Variants in PDE1C observed in about 807,000 individuals in gnomAD.
The protein encoded by PDE1C is dual specificity calcium/calmodulin-dependent 3',5'-cyclic nucleotide phosphodiesterase 1C.
Under a neutral mutation model 93.1 loss-of-function variants are expected in PDE1C, and 62 were observed. The observed-to-expected ratio is 0.67, with a 90% confidence interval of 0.54 to 0.82. PDE1C has a LOEUF of 0.82. Among genes scored for constraint, PDE1C ranks in the 40% least tolerant of loss-of-function variants. The pLI, the probability that PDE1C is intolerant of heterozygous loss-of-function variation, is 0.00. For synonymous variants in PDE1C, 325 were observed against 310.1 expected (o/e 1.05, Z -0.50); for missense variants, 742 against 884.6 (o/e 0.84, Z 2.04).
chr7:31,780,952 G>A (rs572224917), intron 16 of PDE1C, among the ~76,000 whole-genome samples: 4 of 152,292 alleles, frequency 2.6e-5, no homozygotes, highest in East Asian at 3.9e-4. Flanking sequence ...AACCCAATCC[G>A]TCAGCTAGGG....
At chr7:31,783,056 C>G (rs1174391570) in intron 16 of PDE1C, among the ~76,000 whole-genome samples, 1 of 152,198 alleles carries the variant, frequency 6.6e-6, no homozygotes, top group African/African-American at 2.4e-5. Flanking sequence ...GGAACATCTG[C>G]ATTCCCTAGT....
chr7:32,365,014 G>A (rs920543899), intron 1 of PDE1C, among the ~76,000 whole-genome samples: 1 of 152,348 alleles, frequency 6.6e-6, no homozygotes, highest in South Asian at 2.1e-4. Context: ...TCAAGCCTCT[G>A]AGCAGCTGAC....
intron 1 of PDE1C, among the ~76,000 whole-genome samples, chr7:32,244,917 C>A (rs920894326): frequency 6.6e-6 from 1 of 152,146 alleles, no homozygotes; most frequent in African/African-American, 2.4e-5. Flanking sequence ...CCTATCAGAG[C>A]GGTACTGGTT....
chr7:32,347,853 G>A (rs1783884813), intron 1 of PDE1C, among the ~76,000 whole-genome samples: 1 of 152,218 alleles, frequency 6.6e-6, no homozygotes, highest in Non-Finnish European at 1.5e-5. Context: ...TTTGACTATA[G>A]TTTCATGAGA....
At chr7:31,750,878 A>G (rs914895536), downstream of PDE1C, among the ~76,000 whole-genome samples, 2 of 152,212 alleles carry the variant, frequency 1.3e-5, no homozygotes, top group Non-Finnish European at 2.9e-5. Context: ...CAAAGTCCCA[A>G]TTCTTAACCA....
intron 3 of PDE1C, 135 bp downstream of exon 3, chr7:31,880,612 T>C: frequency 1.6e-6 from 1 of 607,524 alleles, no homozygotes; most frequent in Non-Finnish European, 2.9e-6. Flanking sequence ...ATCCTCTTTG[T>C]TTGTGGAAAC....
intron 1 of PDE1C, among the ~76,000 whole-genome samples, chr7:32,279,896 T>C (rs1010575914): frequency 9.2e-5 from 14 of 152,298 alleles, no homozygotes; most frequent in African/African-American, 3.1e-4. Flanking sequence ...AACTGAGAAC[T>C]TCATTTAAAA....
chr7:31,729,950 T>C, the PDE1C span, among the ~76,000 whole-genome samples: 2 of 152,108 alleles, frequency 1.3e-5, no homozygotes, highest in African/African-American at 4.8e-5. Context: ...ATGAGACTCA[T>C]GGGGTACAAG....
At chr7:31,976,565 T>C (rs544098739) in intron 2 of PDE1C, among the ~76,000 whole-genome samples, 1 of 152,284 alleles carries the variant, frequency 6.6e-6, no homozygotes, top group Non-Finnish European at 1.5e-5. Flanking sequence ...TTTTTCCTCT[T>C]GCTATATCAA....
chr7:32,425,176 T>C (rs1785504284), intron 1 of PDE1C, among the ~76,000 whole-genome samples: 1 of 152,134 alleles, frequency 6.6e-6, no homozygotes. Context: ...AGTTTTAGAT[T>C]GCAGCATAAC....
chr7:32,314,845 T>G (rs1783134158), intron 1 of PDE1C, among the ~76,000 whole-genome samples: 3 of 151,942 alleles, frequency 2.0e-5, no homozygotes, highest in Admixed American at 2.0e-4. Flanking sequence ...AATAGAGACA[T>G]GCTCCTCCAT....
chr7:31,973,060 T>C (rs762219312), intron 2 of PDE1C, among the ~76,000 whole-genome samples: 3 of 152,068 alleles, frequency 2.0e-5, no homozygotes, highest in Non-Finnish European at 4.4e-5. Context: ...TGGTACTAGA[T>C]ATAAAGAAGA....
At chr7:31,712,222 C>T in the PDE1C span, among the ~76,000 whole-genome samples, 4 of 152,130 alleles carry the variant, frequency 2.6e-5, no homozygotes, top group Admixed American at 2.0e-4. Flanking sequence ...ACCACTTGTC[C>T]TTTGTACCTG....
At chr7:32,302,934 C>T (rs1264707042), upstream of PDE1C, among the ~76,000 whole-genome samples, 1 of 152,154 alleles carries the variant, frequency 6.6e-6, no homozygotes, top group Admixed American at 6.5e-5. Flanking sequence ...GGACACCTAT[C>T]CAGCTGTCTA....
chr7:31,869,930 A>T (rs1795730573), intron 6 of PDE1C, among the ~76,000 whole-genome samples: 1 of 152,084 alleles, frequency 6.6e-6, no homozygotes, highest in Non-Finnish European at 1.5e-5. Flanking sequence ...GATCACAGTA[A>T]AATAAAACTA....
chr7:31,638,149 A>T, the PDE1C span, among the ~76,000 whole-genome samples: 47 of 152,226 alleles, frequency 3.1e-4, no homozygotes, highest in Non-Finnish European at 3.7e-4. Context: ...TACTGCAAGA[A>T]TCATCATGAA....
chr7:32,088,261 C>A (rs1323583779), intron 3 of PDE1C, among the ~76,000 whole-genome samples: 2 of 152,048 alleles, frequency 1.3e-5, no homozygotes, highest in East Asian at 3.9e-4. Flanking sequence ...AAAAAGACTT[C>A]CGAAAATGTA....
chr7:32,219,960 A>C (rs956355001), intron 1 of PDE1C, among the ~76,000 whole-genome samples: 1 of 152,162 alleles, frequency 6.6e-6, no homozygotes, highest in Non-Finnish European at 1.5e-5. Flanking sequence ...AATAAGTCTC[A>C]CGAGATCTGA....
At chr7:32,272,427 A>G (rs1293069119) in intron 1 of PDE1C, among the ~76,000 whole-genome samples, 5 of 152,226 alleles carry the variant, frequency 3.3e-5, no homozygotes, top group Non-Finnish European at 7.3e-5. Flanking sequence ...GAACTAATGA[A>G]GATGTCGTTC....
Sources: gnomAD v4.1 joint callset for allele counts (sites outside exome capture counted in the v4.1 genomes callset) on GRCh38, gnomAD v4.1.1 for gene constraint, MANE v1.5 for transcripts, NCBI Gene and HGNC (gene_info 2026-07-23, HGNC 2026-07-21) for gene names.